The following APC2 variants were observed in gnomAD, a reference collection of about 807,000 sequenced individuals.
APC2 encodes the protein adenomatous polyposis coli protein 2.
Under a neutral mutation model 72.5 loss-of-function variants are expected in APC2, and 41 were observed. The observed-to-expected ratio is 0.57, with a 90% confidence interval of 0.44 to 0.73. The LOEUF is 0.73. Ranked by LOEUF, APC2 falls within the 30% of genes least tolerant of loss-of-function variation. APC2 has a pLI of 0.00. For synonymous variants in APC2, 1,898 were observed against 1,612.0 expected (o/e 1.18, Z -4.25); for missense variants, 3,729 against 3,403.4 (o/e 1.10, Z -2.38).
rs1409894381 is a variant in APC2 at position 1,467,184 on chromosome 19, C to T, written c.3883C>T (p.Arg1295Trp). 2.6e-6 allele frequency: 4 copies of T among 1,515,440 alleles called. 1 individual carries two copies. Among genetic ancestry groups the T allele is most frequent in the African/African-American group, 2.8e-5 (2 of 72,236 alleles). The allele number at this position is 1,515,440 out of a possible 1,614,324, so 93.9% of individuals were successfully genotyped here. A position where few individuals can be genotyped will look rare whatever the true frequency, so the allele number is the denominator to read the frequency against. The change falls in exon 15 of 15, where the codon CGG (arginine) becomes TGG (tryptophan). Residue 1295 changes from arginine (R) to tryptophan (W), a missense_variant. Coordinates refer to ENST00000590469, the MANE Select transcript of APC2 (RefSeq NM_005883.3). ...CTACGTGCAGCAGGACGTGGAGCTG[C>T]GGCTGCTGCCCTCGGCCTGCCCCGA... ...EHYVQQDVEL[R>W]LLPSACPERG...
At chr19:1,464,143 T>C (rs2083968822) in intron 14 of APC2, among the ~76,000 whole-genome samples, 1 of 152,020 alleles carries the variant, frequency 6.6e-6, no homozygotes, top group Non-Finnish European at 1.5e-5. Flanking sequence ...ACTCCGTCTC[T>C]ACTAAAAATA....
At chr19:1,453,803 C>A (rs1303127470) in intron 4 of APC2, among the ~76,000 whole-genome samples, 192 bp downstream of exon 4, 1 of 152,214 alleles carries the variant, frequency 6.6e-6, no homozygotes, top group African/African-American at 2.4e-5. Context: ...CCTCCCTCCC[C>A]CTCCCCAGCC....
chr19:1,450,143 G>A lies in APC2; in HGVS notation c.-214G>A. The stretch of plus-strand genomic sequence containing the variant: ...CTCGCGGTGGTCTCGCCCAGCGCTA[G>A]GAGCGGCAGCGCCGCCTGCCCAGGC... On this transcript the variant is annotated 5_prime_UTR_variant, in exon 1 of 15. Coordinates refer to ENST00000590469, the MANE Select transcript of APC2 (RefSeq NM_005883.3). The A allele has an allele frequency of 1.0e-6, 1 of 985,214 alleles. No individual in the cohort carries two copies. The highest frequency in any genetic ancestry group is 1.2e-6 in the Non-Finnish European group (1 of 829,856). The allele number at this position is 985,214 out of a possible 1,614,324, so 61.0% of individuals were successfully genotyped here.
At chr19:1,463,878 A>G (rs2083964876) in intron 14 of APC2, among the ~76,000 whole-genome samples, 1 of 152,238 alleles carries the variant, frequency 6.6e-6, no homozygotes, top group Admixed American at 6.5e-5. Flanking sequence ...CGGATATACT[A>G]AAAATTAACT....
upstream of APC2, among the ~76,000 whole-genome samples, chr19:1,448,856 AAG>A (rs960396736): frequency 2.0e-5 from 3 of 149,022 alleles, no homozygotes; most frequent in South Asian, 6.2e-4. Context: ...AAAAAAAAAA[AAG>A]AAAAAAAAGA....
In APC2 at chr19:1,453,294, G is replaced by T. The variant is rs1303666722; in HGVS notation, c.189G>T (p.Val63=). The T allele has an allele frequency of 6.3e-7, 1 of 1,585,774 alleles. No individual in the cohort carries two copies. ...LQGKLEQEAR[V]LVSSGQTEVL... is the part of the protein sequence containing the mutation. ...GAAAACTGGAGCAGGAGGCCCGAGT[G>T]CTGGTGTCCTCGGGGCAGACGGAGG... The change falls in exon 3 of 15, where the codon GTG becomes GTT. Residue 63 remains valine (V), a synonymous_variant. Coordinates refer to ENST00000590469, the MANE Select transcript of APC2 (RefSeq NM_005883.3).
In APC2 at chr19:1,456,298, C is replaced by A; in HGVS notation, c.718-8C>A. 6.2e-7 allele frequency: 1 copy of A among 1,604,598 alleles called. No individual in the cohort carries two copies. Among genetic ancestry groups the A allele is most frequent in the Non-Finnish European group, 8.5e-7 (1 of 1,176,516 alleles). On this transcript the variant is annotated splice_polypyrimidine_tract_variant and splice_region_variant and intron_variant, in intron 7 of 14. Coordinates refer to ENST00000590469, the MANE Select transcript of APC2 (RefSeq NM_005883.3). ...ACTGTACCCCCGACCCTGGTGCTCT[C>A]CCTGCAGGCCTTGCTGGCGGTGAAG...
intron 14 of APC2, 93 bp from the exon 15 acceptor site, chr19:1,465,062 G>C (rs1469197808): frequency 7.0e-7 from 1 of 1,423,092 alleles, no homozygotes; most frequent in Admixed American, 2.3e-5. Context: ...AACCAGATGC[G>C]TTTACTTTTA....
upstream of APC2, chr19:1,446,334 G>C: frequency 1.0e-6 from 1 of 985,344 alleles, no homozygotes; most frequent in Non-Finnish European, 1.2e-6. This position sits in a 1 kb window ranked among gnomAD's most constrained non-coding sequence, Gnocchi z 6.1. Flanking sequence ...GCCTTCTTCG[G>C]GGACCAGGTA....
Position 1,468,098 on chromosome 19 carries a change from A to G in APC2, c.4797A>G (p.Pro1599=). 6.5e-7 allele frequency: 1 copy of G among 1,533,994 alleles called. No homozygotes were observed. Among genetic ancestry groups the G allele is most frequent in the Non-Finnish European group, 8.7e-7 (1 of 1,148,960 alleles). The change falls in exon 15 of 15, where the codon CCA becomes CCG. Residue 1599 remains proline (P), a synonymous_variant. Transcript: ENST00000590469. ...PEPSEPPAVH[P]RGREPAVTKD... Reference sequence around the variant, plus strand: ...CCTCGGAGCCGCCGGCCGTCCATCCACGAGGCCGGGAGCCCGCGGTCACCA... The same window carrying G: ...CCTCGGAGCCGCCGGCCGTCCATCCGCGAGGCCGGGAGCCCGCGGTCACCA...
chr19:1,455,551 G>A (rs1420647162), intron 6 of APC2, 51 bp downstream of exon 6: 5 of 1,521,718 alleles, frequency 3.3e-6, no homozygotes, highest in Non-Finnish European at 4.5e-6. Context: ...CTGCGCCAGT[G>A]GGCAAATCAG....
At chr19:1,447,497 G>T (rs988183522), upstream of APC2, among the ~76,000 whole-genome samples, 5 of 152,132 alleles carry the variant, frequency 3.3e-5, no homozygotes, top group African/African-American at 1.2e-4. Context: ...CCTAGGTCGG[G>T]GTCTTGGGCT....
chr19:1,461,667 A>G lies in APC2; in HGVS notation c.1639-296A>G, dbSNP rs550028168. The G allele has an allele frequency of 9.6e-4, 396 of 410,388 alleles. 8 individuals carry two copies. In the East Asian group the frequency reaches 0.017, roughly 18 times the overall value. The allele number at this position is 410,388 out of a possible 1,614,324, so 25.4% of individuals were successfully genotyped here. On this transcript the variant is annotated intron_variant, in intron 13 of 14. Transcript: ENST00000590469. ...GGAGATCGAGACCATCCTGGCTAAC[A>G]CGGTGAAACCCCGTCTCTACTAAAA...
At chr19:1,459,760 C>T (rs965825120) in intron 10 of APC2, among the ~76,000 whole-genome samples, 2 of 152,192 alleles carry the variant, frequency 1.3e-5, no homozygotes, top group Admixed American at 6.5e-5. Flanking sequence ...GGCCGTCACC[C>T]ATCCCTACAG....
At position 1,467,536 on chromosome 19, in the gene APC2, A is replaced by AG; in HGVS notation, c.4238dup (p.Pro1414ThrfsTer90). 6.7e-7 allele frequency: 1 copy of AG among 1,488,696 alleles called. No homozygotes were observed. Among genetic ancestry groups the AG allele is most frequent in the Non-Finnish European group, 8.9e-7 (1 of 1,124,488 alleles). 92.2% of individuals were successfully genotyped at this position (1,488,696 alleles called of 1,614,324 possible). A position where few individuals can be genotyped will look rare whatever the true frequency, so the allele number is the denominator to read the frequency against. On this transcript the variant is annotated frameshift_variant, in exon 15 of 15. Coordinates refer to ENST00000590469, the MANE Select transcript of APC2 (RefSeq NM_005883.3). LOFTEE classifies it low-confidence loss of function (END_TRUNC). ...GCCTCGCTCAGCGACGAGACGCTGCAGGGACCCCCCAGGGACCAGCCCGGG... is the reference window on the plus strand; with the variant it reads ...GCCTCGCTCAGCGACGAGACGCTGCAGGGGACCCCCCAGGGACCAGCCCGGG...
At chr19:1,451,909 A>C (rs1292191463) in intron 1 of APC2, 1 of 152,644 alleles carries the variant, frequency 6.6e-6, no homozygotes, top group Non-Finnish European at 1.5e-5. Flanking sequence ...CCTGGGGGTC[A>C]GAGAACAAAT....
rs1428365204 is a variant in APC2, at chr19:1,466,220, C to A, written c.2919C>A (p.Gly973=). Residue 973 remains glycine (G), a synonymous_variant, in exon 15 of 15, where the codon GGC becomes GGA. Coordinates refer to ENST00000590469, the MANE Select transcript of APC2 (RefSeq NM_005883.3). ...GCCGGCTTGACCTTGACCTGCCCGG[C>A]TGCCAGGCCGAGCCCCCGGCCCGCG... ...RPSRLDLDLP[G]CQAEPPAREA... The A allele has an allele frequency of 1.3e-6, 2 of 1,547,582 alleles. No homozygotes were observed. The highest frequency in any genetic ancestry group is 2.4e-5 in the South Asian group (2 of 85,022).
intron 6 of APC2, 117 bp downstream of exon 6, chr19:1,455,617 G>A (rs2083810885): frequency 2.0e-6 from 2 of 1,007,100 alleles, no homozygotes. Context: ...ATGCCTCCTG[G>A]GTTGGGGGGC....
intron 14 of APC2, among the ~76,000 whole-genome samples, chr19:1,462,677 A>G: frequency 6.7e-6 from 1 of 148,360 alleles, no homozygotes; most frequent in African/African-American, 2.5e-5. Context: ...AAAAAAAAAA[A>G]AAAATTCAGG....
Sources: gnomAD v4.1 joint callset for allele counts (sites outside exome capture counted in the v4.1 genomes callset) on GRCh38, gnomAD v4.1.1 for gene constraint, Gnocchi (gnomAD v3.1) non-coding constraint, MANE v1.5 for transcripts, NCBI Gene and HGNC (gene_info 2026-07-23, HGNC 2026-07-21) for gene names.